Variants in TPD52 observed in about 807,000 individuals in gnomAD.
TPD52 encodes prostate and colon associated protein.
In TPD52, 17 loss-of-function variants were observed where a neutral mutation model predicts 31.3. That is an observed-to-expected ratio of 0.54 (90% CI 0.37 to 0.82). TPD52 has a LOEUF of 0.82. Among genes scored for constraint, TPD52 ranks in the 40% least tolerant of loss-of-function variants. The pLI, the probability that TPD52 is intolerant of heterozygous loss-of-function variation, is 0.00. For missense variants in TPD52, 212 were observed against 240.1 expected (o/e 0.88, Z 0.77); for synonymous variants, 83 against 89.6 (o/e 0.93, Z 0.42).
intron 1 of TPD52, among the ~76,000 whole-genome samples, chr8:80,125,149 G>A (rs551459479): frequency 6.6e-6 from 1 of 152,336 alleles, no homozygotes; most frequent in South Asian, 2.1e-4. Context: ...GCAAGAGCAT[G>A]AAGGACTACA....
intron 1 of TPD52, among the ~76,000 whole-genome samples, chr8:80,068,208 A>G (rs768870899): frequency 6.6e-6 from 1 of 152,198 alleles, no homozygotes. Context: ...AAAACACCCC[A>G]TAACCACCAT....
intron 1 of TPD52, among the ~76,000 whole-genome samples, chr8:80,111,991 C>A (rs529846985): frequency 1.3e-5 from 2 of 152,330 alleles, no homozygotes; most frequent in East Asian, 3.9e-4. Context: ...GAAATCAAAA[C>A]ATTAATTGGC....
chr8:80,101,448 C>CAAA (rs113660828), intron 1 of TPD52, among the ~76,000 whole-genome samples: 33 of 114,716 alleles, frequency 2.9e-4, no homozygotes, highest in African/African-American at 5.2e-4. Context: ...ACTCCCAGCT[C>CAAA]AAAAAAAAAA....
At chr8:80,076,240 G>A (rs1388978930) in intron 1 of TPD52, among the ~76,000 whole-genome samples, 2 of 152,142 alleles carry the variant, frequency 1.3e-5, no homozygotes, top group Non-Finnish European at 2.9e-5. Context: ...CAATAGCAAA[G>A]GGTGGAATCA....
intron 1 of TPD52, among the ~76,000 whole-genome samples, chr8:80,133,314 CT>C (rs1242077030): frequency 6.6e-6 from 1 of 152,126 alleles, no homozygotes; most frequent in Non-Finnish European, 1.5e-5. Context: ...CGGTGACAGC[CT>C]GTGATTGACC....
At position 80,142,695 on chromosome 8, in the gene TPD52, C is replaced by G. The variant is rs138814260; in HGVS notation, c.19+28730G>C. ...CCACCCTGGGCAACGGAGTGAGGCT[C>G]TGTCACAAAAAGAAAGCACAATCAG... On this transcript the variant is annotated intron_variant, in intron 1 of 7. Transcript: ENST00000518937. 6.9e-4 allele frequency among the ~76,000 whole-genome samples: 105 copies of G among 152,268 alleles called. 1 individual carries two copies. The highest frequency in any genetic ancestry group is 2.3e-3 in the African/African-American group (97 of 41,546).
At chr8:80,137,742 T>C (rs1809536730) in intron 1 of TPD52, among the ~76,000 whole-genome samples, 1 of 152,158 alleles carries the variant, frequency 6.6e-6, no homozygotes, top group Non-Finnish European at 1.5e-5. Flanking sequence ...ACGGTGCTAG[T>C]TCATATTGTT....
chr8:80,055,971 A>T (rs1434826587), intron 2 of TPD52, among the ~76,000 whole-genome samples: 1 of 152,212 alleles, frequency 6.6e-6, no homozygotes, highest in Non-Finnish European at 1.5e-5. Flanking sequence ...TATGAAAAAC[A>T]GTATGGAGGT....
intron 1 of TPD52, among the ~76,000 whole-genome samples, chr8:80,123,321 G>A (rs2131039788): frequency 6.6e-6 from 1 of 152,246 alleles, no homozygotes; most frequent in Non-Finnish European, 1.5e-5. Flanking sequence ...AATAAAATGT[G>A]TAGGTCTTAT....
At chr8:80,161,302 A>T (rs1811347779) in intron 1 of TPD52, among the ~76,000 whole-genome samples, 4 of 152,234 alleles carry the variant, frequency 2.6e-5, no homozygotes, top group Admixed American at 2.0e-4. Flanking sequence ...TATATGTAAG[A>T]CTATAAGCAT....
At chr8:80,164,898 C>G (rs1355194800) in intron 1 of TPD52, among the ~76,000 whole-genome samples, 2 of 31,908 alleles carry the variant, frequency 6.3e-5, no homozygotes, top group Non-Finnish European at 1.1e-4. Flanking sequence ...GACAATGTCT[C>G]AAAAAAAAAA....
At chr8:80,128,291 A>C (rs1586354394) in intron 1 of TPD52, among the ~76,000 whole-genome samples, 1 of 152,014 alleles carries the variant, frequency 6.6e-6, no homozygotes, top group Non-Finnish European at 1.5e-5. Flanking sequence ...AAACTCTTTA[A>C]TAAGTAAGAT....
chr8:80,149,615 G>A (rs1220238799), intron 1 of TPD52, among the ~76,000 whole-genome samples: 1 of 152,200 alleles, frequency 6.6e-6, no homozygotes, highest in Non-Finnish European at 1.5e-5. Context: ...AAAGTTTGTT[G>A]AATGCCTTTA....
chr8:80,063,702 C>A (rs1812793594), intron 2 of TPD52, among the ~76,000 whole-genome samples: 1 of 151,800 alleles, frequency 6.6e-6, no homozygotes, highest in African/African-American at 2.4e-5. Flanking sequence ...GAGGCTGAGG[C>A]AGGAGAATCA....
chr8:80,111,578 ATTTTTTAAGATC>A, intron 1 of TPD52, among the ~76,000 whole-genome samples: 1 of 152,344 alleles, frequency 6.6e-6, no homozygotes, highest in Middle Eastern at 3.4e-3. Flanking sequence ...CAAAGACAAA[ATTTTTTAAGATC>A]TTGATCATAT....
At chr8:80,072,717 G>A (rs1040196317) in intron 1 of TPD52, among the ~76,000 whole-genome samples, 7 of 146,714 alleles carry the variant, frequency 4.8e-5, no homozygotes, top group Non-Finnish European at 7.4e-5. Flanking sequence ...ACATCTATAC[G>A]CACACATATA....
intron 4 of TPD52, 151 bp downstream of exon 4, chr8:80,051,376 C>T (rs1586160207): frequency 7.7e-6 from 5 of 648,440 alleles, no homozygotes; most frequent in Non-Finnish European, 1.3e-5. Context: ...CTTAGATGAG[C>T]CTTCCAGGTA....
intron 5 of TPD52, among the ~76,000 whole-genome samples, chr8:80,044,451 T>G (rs985134008): frequency 6.6e-6 from 1 of 152,180 alleles, no homozygotes. Flanking sequence ...TACAGCACTT[T>G]GAAAACTAAA....
intron 1 of TPD52, among the ~76,000 whole-genome samples, chr8:80,131,716 C>T (rs575832679): frequency 1.3e-5 from 2 of 152,322 alleles, no homozygotes; most frequent in East Asian, 3.9e-4. Flanking sequence ...TATGAGCTCA[C>T]ACACTTTAAG....
Sources: gnomAD v4.1 joint callset for allele counts (sites outside exome capture counted in the v4.1 genomes callset) on GRCh38, gnomAD v4.1.1 for gene constraint, MANE v1.5 for transcripts, NCBI Gene and HGNC (gene_info 2026-07-23, HGNC 2026-07-21) for gene names.